The following OR4E1 variants were observed in gnomAD, a reference collection of about 807,000 sequenced individuals.
OR4E1 encodes olfactory receptor 4E1.
At chr14:21,672,291 G>A (rs1880997696) in intron 1 of OR4E1, among the ~76,000 whole-genome samples, 1 of 152,158 alleles carries the variant, frequency 6.6e-6, no homozygotes, top group South Asian at 2.1e-4. Context: ...AGTGACTACT[G>A]GAGATTTATA....
rs919542278 is a variant in OR4E1 at position 21,667,949 on chromosome 14, T to G, written c.*2039A>C. ...TCTATTTATTTAGTGAGTAATTAAATACATTTTTATCTTGTCTCTGAGTCT... is the reference window on the plus strand; with the variant it reads ...TCTATTTATTTAGTGAGTAATTAAAGACATTTTTATCTTGTCTCTGAGTCT... On this transcript the variant is annotated 3_prime_UTR_variant, in exon 2 of 2. Transcript: ENST00000641792. The G allele has an allele frequency of 1.3e-5, 2 of 152,644 alleles. No individual in the cohort carries two copies. Among genetic ancestry groups the G allele is most frequent in the African/African-American group, 4.8e-5 (2 of 41,454 alleles). The allele number at this position is 152,644 out of a possible 1,614,324, so 9.5% of individuals were successfully genotyped here. A position where few individuals can be genotyped will look rare whatever the true frequency, so the allele number is the denominator to read the frequency against.
At position 21,668,895 on chromosome 14, in the gene OR4E1, G is replaced by A. The variant is rs1880778490; in HGVS notation, c.*1093C>T. On this transcript the variant is annotated 3_prime_UTR_variant, in exon 2 of 2. Transcript: ENST00000641792. ...GGTGGCTTCTTATTGTACTGGAAAA[G>A]ATTCTAAACTTCTTGAGAGAATATG... 1 of 152,184 alleles carries A rather than the reference G, an allele frequency of 6.6e-6. No homozygotes were observed. Among genetic ancestry groups the A allele is most frequent in the African/African-American group, 2.4e-5 (1 of 41,452 alleles). The allele number at this position is 152,184 out of a possible 1,614,324, so 9.4% of individuals were successfully genotyped here.
intron 1 of OR4E1, among the ~76,000 whole-genome samples, chr14:21,671,576 G>T (rs979801457): frequency 6.6e-6 from 1 of 152,088 alleles, no homozygotes; most frequent in Non-Finnish European, 1.5e-5. Context: ...TAAAACCCTG[G>T]AAGCCTTGGA....
rs17109001 is a variant in OR4E1, at chr14:21,668,239, C to G, written c.*1749G>C. ...TGGCTGATTCCTGCACAAGCAGTTC[C>G]ATTTGGGCTCATTGGAAAGATATTT... On this transcript the variant is annotated 3_prime_UTR_variant, in exon 2 of 2. Coordinates refer to ENST00000641792, the MANE Select transcript of OR4E1 (RefSeq NM_001317107.2). 29,908 of 137,676 alleles carry G rather than the reference C, an allele frequency of 0.22. 3,242 individuals carry two copies. The highest frequency in any genetic ancestry group is 0.28 in the African/African-American group (10,282 of 36,640). 8.5% of individuals were successfully genotyped at this position (137,676 alleles called of 1,614,324 possible). A position where few individuals can be genotyped will look rare whatever the true frequency, so the allele number is the denominator to read the frequency against.
In OR4E1 at chr14:21,672,997, G is replaced by A. The variant is rs544181261; in HGVS notation, c.-18+93C>T. 17 of 152,300 alleles carry A rather than the reference G, an allele frequency of 1.1e-4. No homozygotes were observed. The South Asian group carries it at 3.5e-3, about 32-fold the overall frequency. 9.4% of individuals were successfully genotyped at this position (152,300 alleles called of 1,614,324 possible). On this transcript the variant is annotated intron_variant, in intron 1 of 1. Transcript: ENST00000641792. The stretch of plus-strand genomic sequence containing the variant: ...CTTAGTACCTCCAAAAGTAACAGAA[G>A]TGTCAGTCCTGCACTTTCAATATCA...
rs1040020019 is a variant in OR4E1, at chr14:21,670,292, A to G, written c.644T>C (p.Phe215Ser). The change falls in exon 2 of 2, where the codon TTT (phenylalanine) becomes TCT (serine). Residue 215 changes from phenylalanine to serine, a missense_variant. By Grantham distance (155) the Phe-to-Ser change is radical (BLOSUM62 -2). Coordinates refer to ENST00000641792, the MANE Select transcript of OR4E1 (RefSeq NM_001317107.2). ...TGCGTAGGACACCACCAGGACCACA[A>G]AACAGACCACGGAGATCAATCCACT... ...SNSGLISVVC[F>S]VVLVVSYAVI... is the part of the protein sequence containing the mutation. 2.8e-5 allele frequency: 11 copies of G among 398,818 alleles called. No individual in the cohort carries two copies. Among genetic ancestry groups the G allele is most frequent in the Non-Finnish European group, 4.9e-5 (11 of 226,252 alleles). 24.7% of individuals were successfully genotyped at this position (398,818 alleles called of 1,614,324 possible).
At position 21,669,517 on chromosome 14, in the gene OR4E1, T is replaced by C. The variant is rs569684722; in HGVS notation, c.*471A>G. 1 of 152,406 alleles carries C rather than the reference T, an allele frequency of 6.6e-6. No individual in the cohort carries two copies. The highest frequency in any genetic ancestry group is 2.1e-4 in the South Asian group (1 of 4,822). The allele number at this position is 152,406 out of a possible 1,614,324, so 9.4% of individuals were successfully genotyped here. ...GCTTCACTAGTGTTTGCTAAGCTGT[T>C]TACATAAGCATCTGAGTGAATGATG... On this transcript the variant is annotated 3_prime_UTR_variant, in exon 2 of 2. Transcript: ENST00000641792.
chr14:21,672,282 G>A (rs1028855476), intron 1 of OR4E1, among the ~76,000 whole-genome samples: 3 of 152,144 alleles, frequency 2.0e-5, no homozygotes, highest in Non-Finnish European at 4.4e-5. Context: ...CCTATCACAA[G>A]TGACTACTGG....
chr14:21,671,750 AAT>A (rs1176185280), intron 1 of OR4E1, among the ~76,000 whole-genome samples: 1 of 152,228 alleles, frequency 6.6e-6, no homozygotes, highest in Admixed American at 6.5e-5. Flanking sequence ...GTGAAATAAA[AAT>A]AGTTATTTTC....
chr14:21,673,606 A>G lies in OR4E1; in HGVS notation c.-534T>C, dbSNP rs1318395032. 2 of 151,498 alleles carry G rather than the reference A, an allele frequency of 1.3e-5. No homozygotes were observed. Among genetic ancestry groups the G allele is most frequent in the Non-Finnish European group, 2.9e-5 (2 of 67,868 alleles). The allele number at this position is 151,498 out of a possible 1,614,324, so 9.4% of individuals were successfully genotyped here. On this transcript the variant is annotated 5_prime_UTR_variant, in exon 1 of 2. Transcript: ENST00000641792. ...CAACACAACGACCCTGTCCAAAAAA[A>G]AAAAAAAAAAAAAAGAGTCAGCCAC... is the stretch of plus-strand genomic sequence containing the variant.
Position 21,668,536 on chromosome 14 carries a change from C to G in OR4E1, c.*1452G>C, listed in dbSNP as rs570006326. ...CTGATGATTTCCAATGTGTCATGCT[C>G]TTTTGTAAACATGAATATGAGATGC... On this transcript the variant is annotated 3_prime_UTR_variant, in exon 2 of 2. Transcript: ENST00000641792. The G allele has an allele frequency of 1.3e-5, 2 of 152,238 alleles. No homozygotes were observed. Among genetic ancestry groups the G allele is most frequent in the African/African-American group, 4.8e-5 (2 of 41,540 alleles). 9.4% of individuals were successfully genotyped at this position (152,238 alleles called of 1,614,324 possible).
At position 21,670,532 on chromosome 14, in the gene OR4E1, T is replaced by C; in HGVS notation, c.404A>G (p.Gln135Arg). The C allele has an allele frequency of 5.0e-6, 2 of 400,552 alleles. No homozygotes were observed. The highest frequency in any genetic ancestry group is 8.8e-6 in the Non-Finnish European group (2 of 226,622). 24.8% of individuals were successfully genotyped at this position (400,552 alleles called of 1,614,324 possible). A position where few individuals can be genotyped will look rare whatever the true frequency, so the allele number is the denominator to read the frequency against. ...CTTCCAGTTCATCACTATCATGTACTGCAGGGGTTTACAGATGGCCACATA... is the reference window on the plus strand; with the variant it reads ...CTTCCAGTTCATCACTATCATGTACCGCAGGGGTTTACAGATGGCCACATA... ...DRYVAICKPLQYMIVMNWKVC... is the reference protein window; with the variant it reads ...DRYVAICKPLRYMIVMNWKVC... The change falls in exon 2 of 2, where the codon CAG (glutamine) becomes CGG (arginine). Residue 135 changes from glutamine (Q) to arginine (R), a missense_variant. Coordinates refer to ENST00000641792, the MANE Select transcript of OR4E1 (RefSeq NM_001317107.2).
Position 21,669,904 on chromosome 14 carries a change from T to C in OR4E1, c.*84A>G, listed in dbSNP as rs1380665903. The C allele has an allele frequency of 2.5e-6, 1 of 397,278 alleles. No homozygotes were observed. The highest frequency in any genetic ancestry group is 2.1e-5 in the African/African-American group (1 of 48,718). 24.6% of individuals were successfully genotyped at this position (397,278 alleles called of 1,614,324 possible). A position where few individuals can be genotyped will look rare whatever the true frequency, so the allele number is the denominator to read the frequency against. On this transcript the variant is annotated 3_prime_UTR_variant, in exon 2 of 2. Transcript: ENST00000641792. ...AAGGATAGTTTTATAAGTCACATAG[T>C]CTGATAAATATGGTATGTAACTTAT... is the stretch of plus-strand genomic sequence containing the variant.
intron 1 of OR4E1, among the ~76,000 whole-genome samples, chr14:21,672,511 G>C (rs1162463303): frequency 6.6e-6 from 1 of 152,148 alleles, no homozygotes; most frequent in Non-Finnish European, 1.5e-5. Context: ...ATTTTTCTTC[G>C]AGTATTCGTT....
rs1880741865 is a variant in OR4E1, at chr14:21,668,174, T to C, written c.*1814A>G. 1 of 152,548 alleles carries C rather than the reference T, an allele frequency of 6.6e-6. No individual in the cohort carries two copies. The highest frequency in any genetic ancestry group is 6.5e-5 in the Admixed American group (1 of 15,274). 9.4% of individuals were successfully genotyped at this position (152,548 alleles called of 1,614,324 possible). On this transcript the variant is annotated 3_prime_UTR_variant, in exon 2 of 2. Coordinates refer to ENST00000641792, the MANE Select transcript of OR4E1 (RefSeq NM_001317107.2). ...ATGGCTACGTTGAAGCATTGTGTTG[T>C]TGACAGACAATATGACAATTTTGCA...
rs1491095365 is a variant in OR4E1 at position 21,670,351 on chromosome 14, G to GCC, written c.584_585insGG (p.Asp195GlufsTer16). 0.033 allele frequency: 13,343 copies of GCC among 399,240 alleles called. 403 individuals carry two copies. The highest frequency in any genetic ancestry group is 0.13 in the Admixed American group (2,865 of 22,682). The allele number at this position is 399,240 out of a possible 1,614,324, so 24.7% of individuals were successfully genotyped here. A position where few individuals can be genotyped will look rare whatever the true frequency, so the allele number is the denominator to read the frequency against. Reference sequence around the variant, plus strand: ...CAATGAGGATCTCAATGACGTGGGTGTCAATGCAGGCCAGCTTGATCACCT... The same window carrying GCC: ...CAATGAGGATCTCAATGACGTGGGTGCCTCAATGCAGGCCAGCTTGATCACCT... On this transcript the variant is annotated frameshift_variant, in exon 2 of 2. Transcript: ENST00000641792. LOFTEE classifies it low-confidence loss of function (END_TRUNC).
rs923059535 is a variant in OR4E1 at position 21,670,819 on chromosome 14, A to G, written c.117T>C (p.Tyr39=). 1.0e-5 allele frequency: 4 copies of G among 399,472 alleles called. No individual in the cohort carries two copies. In the Admixed American group the frequency reaches 1.8e-4, roughly 18 times the overall value. The allele number at this position is 399,472 out of a possible 1,614,324, so 24.7% of individuals were successfully genotyped here. A position where few individuals can be genotyped will look rare whatever the true frequency, so the allele number is the denominator to read the frequency against. The change falls in exon 2 of 2, where the codon TAT becomes TAC. Residue 39 remains tyrosine (Y), a synonymous_variant. Coordinates refer to ENST00000641792, the MANE Select transcript of OR4E1 (RefSeq NM_001317107.2). Reference sequence around the variant, plus strand: ...GAACATTCCCAATCAGTGTCAGGACATAAAAAATGAGGAACATGGAAAACA... The same window carrying G: ...GAACATTCCCAATCAGTGTCAGGACGTAAAAAATGAGGAACATGGAAAACA... ...IAMFSMFLIF[Y]VLTLIGNVLI...
chr14:21,670,834 C>T lies in OR4E1; in HGVS notation c.102G>A (p.Met34Ile), dbSNP rs1880901566. 2.5e-6 allele frequency: 1 copy of T among 399,222 alleles called. No homozygotes were observed. The highest frequency in any genetic ancestry group is 4.4e-6 in the Non-Finnish European group (1 of 226,078). 24.7% of individuals were successfully genotyped at this position (399,222 alleles called of 1,614,324 possible). A position where few individuals can be genotyped will look rare whatever the true frequency, so the allele number is the denominator to read the frequency against. ...NHKARIAMFSMFLIFYVLTLI... is the reference protein window; with the variant it reads ...NHKARIAMFSIFLIFYVLTLI... Reference sequence around the variant, plus strand: ...GTGTCAGGACATAAAAAATGAGGAACATGGAAAACATAGCTATCCGTGCCT... The same window carrying T: ...GTGTCAGGACATAAAAAATGAGGAATATGGAAAACATAGCTATCCGTGCCT... The change falls in exon 2 of 2, where the codon ATG becomes ATA. Residue 34 changes from methionine to isoleucine, a missense_variant. Transcript: ENST00000641792.
In OR4E1 at chr14:21,670,351, G is replaced by A; in HGVS notation, c.585C>T (p.Asp195=). ...VPQVIKLACI[D]THVIEILIVS... ...CAATGAGGATCTCAATGACGTGGGT[G>A]TCAATGCAGGCCAGCTTGATCACCT... The change falls in exon 2 of 2, where the codon GAC becomes GAT. Residue 195 remains aspartate (D), a synonymous_variant. Transcript: ENST00000641792. The A allele has an allele frequency of 2.5e-6, 1 of 399,242 alleles. No individual in the cohort carries two copies. The highest frequency in any genetic ancestry group is 4.4e-6 in the Non-Finnish European group (1 of 226,332). The allele number at this position is 399,242 out of a possible 1,614,324, so 24.7% of individuals were successfully genotyped here.
Sources: gnomAD v4.1 joint callset for allele counts (sites outside exome capture counted in the v4.1 genomes callset) on GRCh38, gnomAD v4.1.1 for gene constraint, MANE v1.5 for transcripts, NCBI Gene and HGNC (gene_info 2026-07-23, HGNC 2026-07-21) for gene names.